The following NRXN1 variants were observed in gnomAD, a reference collection of about 807,000 sequenced individuals.
The protein encoded by NRXN1 is neurexin-1.
A neutral mutation model predicts 150.9 loss-of-function variants in NRXN1; 39 were observed. The ratio of observed to expected loss-of-function variants is 0.26; its 90% CI spans 0.20 to 0.34. NRXN1 has a LOEUF of 0.34. Ranked by LOEUF, NRXN1 falls within the 10% of genes least tolerant of loss-of-function variation. The pLI, the probability that NRXN1 is intolerant of heterozygous loss-of-function variation, is 1.00. For missense variants in NRXN1, 1,815 were observed against 1,949.9 expected (o/e 0.93, Z 1.30); for synonymous variants, 924 against 757.0 (o/e 1.22, Z -3.62).
chr2:50,195,257 C>A (rs946881279), intron 18 of NRXN1, among the ~76,000 whole-genome samples: 2 of 152,112 alleles, frequency 1.3e-5, no homozygotes, highest in African/African-American at 4.8e-5. Context: ...CCAAGCGAAC[C>A]TCATCAGCGA....
intron 5 of NRXN1, among the ~76,000 whole-genome samples, chr2:50,718,438 C>A (rs1312764293): frequency 6.6e-6 from 1 of 152,090 alleles, no homozygotes; most frequent in African/African-American, 2.4e-5. Flanking sequence ...AAAAATCAAA[C>A]ATGTAAACTG....
intron 16 of NRXN1, among the ~76,000 whole-genome samples, chr2:50,468,374 T>C (rs1197232573): frequency 6.6e-6 from 1 of 151,596 alleles, no homozygotes; most frequent in Non-Finnish European, 1.5e-5. Flanking sequence ...GTCTTTATAT[T>C]CAGGAATTAC....
At chr2:50,605,974 G>A (rs1431242992) in intron 8 of NRXN1, among the ~76,000 whole-genome samples, 1 of 151,962 alleles carries the variant, frequency 6.6e-6, no homozygotes, top group Non-Finnish European at 1.5e-5. Context: ...TTAAAAAAGA[G>A]AATCAGCCAG....
intron 5 of NRXN1, among the ~76,000 whole-genome samples, chr2:50,810,280 A>G (rs1668034567): frequency 6.6e-6 from 1 of 152,188 alleles, no homozygotes; most frequent in Non-Finnish European, 1.5e-5. Context: ...TTCCTTCAAA[A>G]GCAATTGAAG....
At chr2:50,366,001 G>C (rs941584957) in intron 17 of NRXN1, among the ~76,000 whole-genome samples, 2 of 149,874 alleles carry the variant, frequency 1.3e-5, no homozygotes, top group Non-Finnish European at 2.9e-5. Context: ...AATAACCTTA[G>C]AAGTAGGTTG....
intron 5 of NRXN1, among the ~76,000 whole-genome samples, chr2:50,653,321 A>G (rs1685912189): frequency 6.6e-6 from 1 of 152,082 alleles, no homozygotes; most frequent in South Asian, 2.1e-4. Context: ...TAGAAAAGGA[A>G]GTAACATACA....
intron 5 of NRXN1, among the ~76,000 whole-genome samples, chr2:50,675,380 T>C (rs116128158): frequency 0.014 from 2,150 of 152,240 alleles, 48 homozygotes; most frequent in African/African-American, 0.049. Context: ...AATAGAAACA[T>C]AGACAGATTT....
chr2:50,642,202 G>A (rs1273936637), intron 5 of NRXN1, among the ~76,000 whole-genome samples: 1 of 151,998 alleles, frequency 6.6e-6, no homozygotes, highest in Non-Finnish European at 1.5e-5. Context: ...CATGCTAATT[G>A]CTTTGAAGAA....
intron 5 of NRXN1, among the ~76,000 whole-genome samples, chr2:50,727,579 T>C (rs1013494644): frequency 5.3e-5 from 8 of 152,244 alleles, no homozygotes; most frequent in African/African-American, 1.9e-4. Flanking sequence ...ATTTTAAAAA[T>C]ACATCTTAAA....
At chr2:50,938,278 G>A (rs1327728929) in intron 2 of NRXN1, among the ~76,000 whole-genome samples, 1 of 152,148 alleles carries the variant, frequency 6.6e-6, no homozygotes, top group African/African-American at 2.4e-5. Flanking sequence ...ATGTGTGCTC[G>A]ATGGCTATTA....
At chr2:50,765,662 T>C (rs1392371700) in intron 5 of NRXN1, among the ~76,000 whole-genome samples, 1 of 152,036 alleles carries the variant, frequency 6.6e-6, no homozygotes, top group Non-Finnish European at 1.5e-5. Flanking sequence ...AATTTGAAAA[T>C]AAGCATATCC....
chr2:50,082,209 C>A (rs1457081524), intron 19 of NRXN1, among the ~76,000 whole-genome samples: 1 of 152,178 alleles, frequency 6.6e-6, no homozygotes, highest in Non-Finnish European at 1.5e-5. Flanking sequence ...GATTCATTAA[C>A]CTGATTACCC....
chr2:49,987,571 T>C (rs1396873636), intron 21 of NRXN1, among the ~76,000 whole-genome samples: 1 of 152,148 alleles, frequency 6.6e-6, no homozygotes, highest in Admixed American at 6.5e-5. Context: ...CCTCAACATG[T>C]AATATTGATT....
intron 10 of NRXN1, among the ~76,000 whole-genome samples, chr2:50,536,619 A>G (rs1450194260): frequency 6.6e-6 from 1 of 152,188 alleles, no homozygotes; most frequent in Non-Finnish European, 1.5e-5. Flanking sequence ...CTTAACCAAG[A>G]GGCATCAGAA....
At chr2:50,991,524 T>C (rs796296107) in intron 2 of NRXN1, among the ~76,000 whole-genome samples, 1 of 152,018 alleles carries the variant, frequency 6.6e-6, no homozygotes, top group South Asian at 2.1e-4. Flanking sequence ...TGCTCAACAG[T>C]TCAGGTTGCC....
At chr2:50,352,999 C>A (rs1169365913) in intron 17 of NRXN1, among the ~76,000 whole-genome samples, 1 of 151,934 alleles carries the variant, frequency 6.6e-6, no homozygotes, top group East Asian at 1.9e-4. Flanking sequence ...TATTACCTAG[C>A]ACCTCCCCAA....
intron 5 of NRXN1, among the ~76,000 whole-genome samples, chr2:50,846,121 A>AT (rs1049016872): frequency 6.6e-6 from 1 of 152,078 alleles, no homozygotes; most frequent in Non-Finnish European, 1.5e-5. Flanking sequence ...AACTTAAAAA[A>AT]TTTTTTTTCA....
chr2:51,010,449 T>G (rs1379652956), intron 2 of NRXN1, among the ~76,000 whole-genome samples: 2 of 152,020 alleles, frequency 1.3e-5, no homozygotes, highest in African/African-American at 4.8e-5. Flanking sequence ...TCATGTTATA[T>G]TGTGAGTCAT....
At chr2:50,003,963 A>G (rs1293497540) in intron 21 of NRXN1, among the ~76,000 whole-genome samples, 3 of 152,158 alleles carry the variant, frequency 2.0e-5, no homozygotes, top group Admixed American at 6.6e-5. Flanking sequence ...ATCTAGTTGG[A>G]GAGATACAAC....
Sources: allele counts gnomAD v4.1 joint callset (sites outside exome capture counted in the v4.1 genomes callset), GRCh38; gene constraint gnomAD v4.1.1; transcripts MANE v1.5; gene names NCBI Gene and HGNC (gene_info 2026-07-23, HGNC 2026-07-21).